ZNF423: variants seen among roughly 807,000 people sequenced by gnomAD.
The protein encoded by ZNF423 is Ebf-associated zinc finger protein.
Under a neutral mutation model 95.8 loss-of-function variants are expected in ZNF423, and 12 were observed. The observed-to-expected ratio is 0.13, with a 90% CI of 0.08 to 0.20. The LOEUF (loss-of-function observed/expected upper bound fraction) is 0.20, where lower values mean the gene tolerates loss of function less well. Among genes scored for constraint, ZNF423 ranks in the 10% least tolerant of loss-of-function variants. The pLI, the probability that ZNF423 is intolerant of heterozygous loss-of-function variation, is 1.00. For synonymous variants in ZNF423, 749 were observed against 711.9 expected, an observed-to-expected ratio of 1.05 and a Z score of -0.83; for missense variants, 1,316 against 1,737.1, an observed-to-expected ratio of 0.76 and a Z score of 4.31.
chr16:49,794,709 C>T (rs1239663378), intron 1 of ZNF423, among the ~76,000 whole-genome samples: 1 of 152,172 alleles, frequency 6.6e-6, no homozygotes, highest in Admixed American at 6.5e-5. Flanking sequence ...GGGCAGCTTC[C>T]GGCTTAGCCC....
intron 5 of ZNF423, among the ~76,000 whole-genome samples, chr16:49,617,531 T>C (rs766358817): frequency 2.0e-5 from 3 of 152,160 alleles, no homozygotes; most frequent in Non-Finnish European, 2.9e-5. Context: ...TCAAGCAAGA[T>C]GATGCCAGGG....
In ZNF423 at chr16:49,725,645, G is replaced by A. The variant is rs148154613; in HGVS notation, c.301+5126C>T. Among the ~76,000 whole-genome samples the A allele has an allele frequency of 4.1e-3, 630 of 152,310 alleles. 6 individuals are homozygous for A. The highest frequency in any genetic ancestry group is 0.015 in the African/African-American group (603 of 41,564). ...GGTGCTCTGGACTGTGTGGGCGTGG[G>A]GGCTGCAGAGGGCCAGCAGGGAGGG... On this transcript the variant is annotated intron_variant, in intron 3 of 7. Coordinates refer to ENST00000563137, the MANE Select transcript of ZNF423 (RefSeq NM_001379286.1).
At chr16:49,605,676 CTG>C (rs1014917129) in intron 5 of ZNF423, among the ~76,000 whole-genome samples, 3 of 152,204 alleles carry the variant, frequency 2.0e-5, no homozygotes, top group Non-Finnish European at 4.4e-5. Context: ...CCCTGGAAGA[CTG>C]TGAGCTGGGC....
chr16:49,546,001 G>A (rs1337548824), intron 5 of ZNF423, among the ~76,000 whole-genome samples: 1 of 152,190 alleles, frequency 6.6e-6, no homozygotes, highest in African/African-American at 2.4e-5. Flanking sequence ...AATCGCCATT[G>A]GTAGCATAAG....
chr16:49,532,976 C>A (rs1040375351), intron 5 of ZNF423, among the ~76,000 whole-genome samples: 2 of 152,136 alleles, frequency 1.3e-5, no homozygotes, highest in Non-Finnish European at 2.9e-5. Context: ...GCCAATTCCA[C>A]GCATGGGCAC....
intron 7 of ZNF423, among the ~76,000 whole-genome samples, chr16:49,508,739 C>T (rs866388446): frequency 2.0e-5 from 3 of 152,052 alleles, no homozygotes; most frequent in Non-Finnish European, 4.4e-5. Context: ...CAGGGGCAGG[C>T]ATGGTTCCTT....
At chr16:49,783,577 G>T (rs1274453287) in intron 2 of ZNF423, among the ~76,000 whole-genome samples, 1 of 138,368 alleles carries the variant, frequency 7.2e-6, no homozygotes. Flanking sequence ...GGGAAAGAGG[G>T]GGGGTTAGGT....
At chr16:49,654,696 G>C (rs1376986428) in intron 3 of ZNF423, among the ~76,000 whole-genome samples, 1 of 152,230 alleles carries the variant, frequency 6.6e-6, no homozygotes, top group Non-Finnish European at 1.5e-5. Context: ...TTAGGGCGCA[G>C]CCAAGATGGT....
At chr16:49,788,969 T>G (rs2034364346) in intron 2 of ZNF423, among the ~76,000 whole-genome samples, 1 of 152,174 alleles carries the variant, frequency 6.6e-6, no homozygotes, top group African/African-American at 2.4e-5. Flanking sequence ...AGGAAAGAGC[T>G]TATGCGGGGA....
intron 5 of ZNF423, among the ~76,000 whole-genome samples, chr16:49,609,517 T>C (rs1339774507): frequency 1.3e-5 from 2 of 151,984 alleles, no homozygotes; most frequent in Non-Finnish European, 2.9e-5. Context: ...AAGACCTAGA[T>C]AGTTTTGACA....
At chr16:49,775,582 G>T (rs140889772) in intron 2 of ZNF423, among the ~76,000 whole-genome samples, 1 of 152,192 alleles carries the variant, frequency 6.6e-6, no homozygotes, top group Non-Finnish European at 1.5e-5. Context: ...TAGGGGCTTT[G>T]TTATTCCCAT....
chr16:49,617,602 T>G (rs1234239684), intron 5 of ZNF423, among the ~76,000 whole-genome samples: 1 of 152,132 alleles, frequency 6.6e-6, no homozygotes, highest in Non-Finnish European at 1.5e-5. Context: ...CCATCCTTCC[T>G]CTTCCCCTCC....
chr16:49,567,663 C>A (rs995247214), intron 5 of ZNF423, among the ~76,000 whole-genome samples: 8 of 152,188 alleles, frequency 5.3e-5, no homozygotes, highest in Admixed American at 3.3e-4. Flanking sequence ...AGGGAGGATG[C>A]AAATAGCCGT....
intron 3 of ZNF423, among the ~76,000 whole-genome samples, chr16:49,677,309 A>AG (rs2031132465): frequency 1.2e-5 from 1 of 85,306 alleles, no homozygotes; most frequent in Non-Finnish European, 2.3e-5. Flanking sequence ...AAGAGAAGAG[A>AG]AAGGAGGGGA....
At chr16:49,712,495 C>G (rs1031087568) in intron 3 of ZNF423, among the ~76,000 whole-genome samples, 1 of 152,232 alleles carries the variant, frequency 6.6e-6, no homozygotes, top group African/African-American at 2.4e-5. Flanking sequence ...GGGTTGGCCC[C>G]CAAAACAGCT....
Position 49,612,438 on chromosome 16 carries a change from AG to A in ZNF423, c.3601+13731del, listed in dbSNP as rs536611822. Among the ~76,000 whole-genome samples, 16 of 150,930 alleles carry A rather than the reference AG, an allele frequency of 1.1e-4. No individual in the cohort carries two copies. The East Asian group carries it at 3.1e-3, about 29-fold the overall frequency. On this transcript the variant is annotated intron_variant, in intron 5 of 7. Transcript: ENST00000563137. ...AAAAAAAAAAAAAGACAAAAACTTC[AG>A]GCATTTGACAAAATCCAACACCCAT... is the stretch of plus-strand genomic sequence containing the variant.
intron 3 of ZNF423, among the ~76,000 whole-genome samples, chr16:49,704,035 C>T (rs1165750652): frequency 6.6e-6 from 1 of 152,114 alleles, no homozygotes; most frequent in Non-Finnish European, 1.5e-5. Context: ...GCAGGTTTCC[C>T]CTTCAGAGTG....
chr16:49,738,039 C>T (rs963000891), intron 2 of ZNF423, among the ~76,000 whole-genome samples: 11 of 152,330 alleles, frequency 7.2e-5, no homozygotes, highest in Admixed American at 6.5e-4. Context: ...ACAGAGAGAC[C>T]TAGGACAGAG....
chr16:49,636,510 G>A lies in ZNF423; in HGVS notation c.2666C>T (p.Ala889Val), dbSNP rs766919907. Residue 889 changes from alanine (A) to valine (V), a missense_variant, in exon 4 of 8, where the codon GCG (alanine) becomes GTG (valine). By Grantham distance (64) the Ala-to-Val change is moderately conservative. Coordinates refer to ENST00000563137, the MANE Select transcript of ZNF423 (RefSeq NM_001379286.1). This position sits in a 1 kb window ranked among gnomAD's most constrained non-coding sequence, Gnocchi z 8.6. ...GTCACAGCCGTACATGGGCTCCGAC[G>A]CGTCCACGTCATCCTCGCTGGCCTC... ...SHEASEDDVDASEPMYGCDIC... is the reference protein window; with the variant it reads ...SHEASEDDVDVSEPMYGCDIC... 12 of 1,613,608 alleles carry A rather than the reference G, an allele frequency of 7.4e-6. No homozygotes were observed. Among genetic ancestry groups the A allele is most frequent in the Non-Finnish European group, 6.8e-6 (8 of 1,180,026 alleles).
Sources: gnomAD v4.1 joint callset for allele counts (sites outside exome capture counted in the v4.1 genomes callset) on GRCh38, gnomAD v4.1.1 for gene constraint, Gnocchi (gnomAD v3.1) non-coding constraint, MANE v1.5 for transcripts, NCBI Gene and HGNC (gene_info 2026-07-23, HGNC 2026-07-21) for gene names.